The following CDADC1 variants were observed in gnomAD, a reference collection of about 807,000 sequenced individuals.
CDADC1 encodes the protein cytidine and dCMP deaminase domain containing 1.
In CDADC1, 39 loss-of-function variants were observed where a neutral mutation model predicts 54.9. That is an observed-to-expected ratio of 0.71 (90% CI 0.55 to 0.93). CDADC1 has a LOEUF of 0.93. Among genes scored for constraint, CDADC1 ranks in the 40% least tolerant of loss-of-function variants. The pLI, the probability that CDADC1 is intolerant of heterozygous loss-of-function variation, is 0.00. For synonymous variants in CDADC1, 186 were observed against 204.0 expected, an observed-to-expected ratio of 0.91 and a Z score of 0.75; for missense variants, 518 against 618.8, an observed-to-expected ratio of 0.84 and a Z score of 1.73.
intron 4 of CDADC1, among the ~76,000 whole-genome samples, chr13:49,264,515 CAA>C (rs1236380189): frequency 1.5e-5 from 2 of 133,772 alleles, no homozygotes; most frequent in African/African-American, 2.9e-5. Context: ...GTCAGGAGCC[CAA>C]GACCAGCCTG....
intron 9 of CDADC1, among the ~76,000 whole-genome samples, chr13:49,288,299 A>T (rs1359302419): frequency 6.6e-6 from 1 of 152,070 alleles, no homozygotes; most frequent in Non-Finnish European, 1.5e-5. Context: ...GCAATACCCC[A>T]TTTCCTTTTT....
chr13:49,266,381 T>G (rs1049277167), intron 4 of CDADC1, among the ~76,000 whole-genome samples: 2 of 152,236 alleles, frequency 1.3e-5, no homozygotes, highest in Non-Finnish European at 1.5e-5. Context: ...CGTATCTTTT[T>G]GTCTCTCTTT....
intron 9 of CDADC1, among the ~76,000 whole-genome samples, chr13:49,287,169 C>T (rs182661873): frequency 5.1e-4 from 77 of 152,268 alleles, no homozygotes; most frequent in Non-Finnish European, 9.1e-4. Flanking sequence ...CCAGCCTGGG[C>T]GACAGGGCAA....
At chr13:49,250,741 T>C (rs1248265494) in intron 2 of CDADC1, among the ~76,000 whole-genome samples, 1 of 152,246 alleles carries the variant, frequency 6.6e-6, no homozygotes, top group Non-Finnish European at 1.5e-5. Flanking sequence ...TTTAACAGGA[T>C]GTGAGGATAT....
intron 4 of CDADC1, among the ~76,000 whole-genome samples, chr13:49,265,452 C>T (rs1952794023): frequency 6.6e-6 from 1 of 152,134 alleles, no homozygotes; most frequent in Non-Finnish European, 1.5e-5. Context: ...TATACGAATT[C>T]TGCTGCTCAG....
In CDADC1 at chr13:49,278,423, A is replaced by G. The variant is rs1593839505; in HGVS notation, c.1124A>G (p.Tyr375Cys). The G allele has an allele frequency of 1.9e-6, 3 of 1,606,166 alleles. No individual in the cohort carries two copies. Among genetic ancestry groups the G allele is most frequent in the Non-Finnish European group, 2.6e-6 (3 of 1,174,068 alleles). ...GYNAFPVGSE[Y>C]ADFPHMDDKQ... ...AATGCTTTTCCTGTTGGATCTGAGT[A>G]TGCTGACTTCCCACACATGGATGAC... Residue 375 changes from tyrosine to cysteine, a missense_variant, in exon 7 of 10, where the codon TAT (tyrosine) becomes TGT (cysteine). Physicochemically the swap from Tyr to Cys is radical, Grantham distance 194. Coordinates refer to ENST00000251108, the MANE Select transcript of CDADC1 (RefSeq NM_030911.4).
At chr13:49,280,291 A>G (rs1953281896) in intron 7 of CDADC1, among the ~76,000 whole-genome samples, 1 of 152,208 alleles carries the variant, frequency 6.6e-6, no homozygotes, top group Non-Finnish European at 1.5e-5. Flanking sequence ...ATTTTTAGTT[A>G]TAATAATTGT....
At position 49,247,933 on chromosome 13, in the gene CDADC1, G is replaced by A; in HGVS notation, c.-105G>A. 5.0e-6 allele frequency: 5 copies of A among 1,007,470 alleles called. No individual in the cohort carries two copies. The highest frequency in any genetic ancestry group is 2.6e-5 in the East Asian group (1 of 38,118). 62.4% of individuals were successfully genotyped at this position (1,007,470 alleles called of 1,614,324 possible). The stretch of plus-strand genomic sequence containing the variant: ...GTCATCTGGCTGCGCCTAGTGGGCC[G>A]TTGCCTTACAGTTGCTGAGAGGAGG... On this transcript the variant is annotated 5_prime_UTR_variant, in exon 1 of 10. Transcript: ENST00000251108.
At chr13:49,260,044 T>C (rs1952639547) in intron 4 of CDADC1, among the ~76,000 whole-genome samples, 1 of 152,094 alleles carries the variant, frequency 6.6e-6, no homozygotes, top group African/African-American at 2.4e-5. Context: ...TAGTGAGCTA[T>C]GATTGCTCCA....
intron 9 of CDADC1, among the ~76,000 whole-genome samples, chr13:49,289,023 AACTTAGTTCAC>A (rs1953611310): frequency 6.6e-6 from 1 of 151,758 alleles, no homozygotes; most frequent in Non-Finnish European, 1.5e-5. Context: ...GAGTGAACTG[AACTTAGTTCAC>A]CCAATCAACA....
chr13:49,259,980 G>T (rs552773627), intron 4 of CDADC1, among the ~76,000 whole-genome samples: 16 of 152,158 alleles, frequency 1.1e-4, no homozygotes, highest in Non-Finnish European at 1.9e-4. Context: ...TGTAATCCCA[G>T]CTACTCAGAA....
chr13:49,260,629 A>G (rs1487608433), intron 4 of CDADC1, among the ~76,000 whole-genome samples: 1 of 152,250 alleles, frequency 6.6e-6, no homozygotes, highest in Non-Finnish European at 1.5e-5. Flanking sequence ...GCTATTCACT[A>G]AACCTCCTTG....
intron 4 of CDADC1, among the ~76,000 whole-genome samples, chr13:49,260,290 C>A (rs1488677156): frequency 6.6e-6 from 1 of 152,154 alleles, no homozygotes; most frequent in Non-Finnish European, 1.5e-5. Context: ...AGATATTTAT[C>A]ACCTGTATAA....
chr13:49,280,752 C>A, intron 8 of CDADC1, 54 bp downstream of exon 8: 1 of 994,154 alleles, frequency 1.0e-6, no homozygotes, highest in Non-Finnish European at 1.4e-6. Context: ...TGTTAGGTAC[C>A]CTGCTGCAAT....
chr13:49,254,115 C>A (rs1437117191), intron 2 of CDADC1, among the ~76,000 whole-genome samples: 5 of 152,146 alleles, frequency 3.3e-5, no homozygotes, highest in Non-Finnish European at 7.3e-5. Context: ...ACATGATAAA[C>A]ATGCAGTAGA....
chr13:49,259,027 A>G (rs1952610760), intron 3 of CDADC1, among the ~76,000 whole-genome samples: 1 of 152,208 alleles, frequency 6.6e-6, no homozygotes, highest in Non-Finnish European at 1.5e-5. Context: ...ACTTAATCCT[A>G]TAAGAAACAA....
intron 8 of CDADC1, among the ~76,000 whole-genome samples, chr13:49,285,109 T>A (rs1332666397): frequency 6.6e-6 from 1 of 152,174 alleles, no homozygotes; most frequent in Non-Finnish European, 1.5e-5. Context: ...TAATAGTTTA[T>A]GATATAACAA....
At position 49,267,911 on chromosome 13, in the gene CDADC1, C is replaced by T. The variant is rs755553756; in HGVS notation, c.852C>T (p.Ala284=). 3.7e-6 allele frequency: 6 copies of T among 1,614,026 alleles called. No individual in the cohort carries two copies. In the African/African-American group the frequency reaches 6.7e-5, roughly 18 times the overall value. ...TGAAAGACCTTATCCTACTTTTGGC[C>T]ACAGTAGCTTCCAGTGTGCCGAACT... ...QNMKDLILLL[A]TVASSVPNFK... is the part of the protein sequence containing the mutation. Residue 284 remains alanine, a synonymous_variant, in exon 5 of 10, where the codon GCC becomes GCT. Coordinates refer to ENST00000251108, the MANE Select transcript of CDADC1 (RefSeq NM_030911.4).
intron 2 of CDADC1, among the ~76,000 whole-genome samples, chr13:49,255,022 G>A (rs987014329): frequency 5.9e-5 from 9 of 152,184 alleles, no homozygotes; most frequent in Non-Finnish European, 8.8e-5. Flanking sequence ...TTATTATACA[G>A]TTCTGTAGGT....
Sources: gnomAD v4.1 joint callset for allele counts (sites outside exome capture counted in the v4.1 genomes callset) on GRCh38, gnomAD v4.1.1 for gene constraint, MANE v1.5 for transcripts, NCBI Gene and HGNC (gene_info 2026-07-23, HGNC 2026-07-21) for gene names.